Variants in ZMYND8 observed in about 807,000 individuals in gnomAD.
ZMYND8 encodes the protein MYND-type zinc finger-containing chromatin reader ZMYND8.
Under a neutral mutation model 140.8 loss-of-function variants are expected in ZMYND8, and 37 were observed. That is an observed-to-expected ratio of 0.26 (90% confidence interval 0.20 to 0.35). ZMYND8 has a LOEUF of 0.35. Ranked by LOEUF, ZMYND8 falls within the 10% of genes least tolerant of loss-of-function variation. The pLI is 1.00. For synonymous variants in ZMYND8, 592 were observed against 597.1 expected, an observed-to-expected ratio of 0.99 and a Z score of 0.12; for missense variants, 1,068 against 1,570.0, an observed-to-expected ratio of 0.68 and a Z score of 5.40.
intron 1 of ZMYND8, chr20:47,349,864 A>T (rs887826130): frequency 6.5e-7 from 1 of 1,535,692 alleles, no homozygotes; most frequent in Admixed American, 2.0e-5. Flanking sequence ...AACCCACTTG[A>T]AGGATTTCTG....
chr20:47,288,407 T>TG (rs1202111909), intron 7 of ZMYND8, among the ~76,000 whole-genome samples: 1 of 151,136 alleles, frequency 6.6e-6, no homozygotes, highest in Non-Finnish European at 1.5e-5. Context: ...TTTTTTTTTT[T>TG]TTTGAGATGG....
chr20:47,284,550 G>A (rs1358651834), intron 8 of ZMYND8, among the ~76,000 whole-genome samples: 1 of 151,976 alleles, frequency 6.6e-6, no homozygotes, highest in African/African-American at 2.4e-5. Context: ...ATGTGATCTG[G>A]CCCCAGCCCA....
At chr20:47,267,505 G>A (rs907624644) in intron 11 of ZMYND8, among the ~76,000 whole-genome samples, 15 of 136,858 alleles carry the variant, frequency 1.1e-4, no homozygotes, top group Non-Finnish European at 1.9e-4. Context: ...GCGGGGGGGG[G>A]GCAATTAAAA....
At chr20:47,218,022 G>A (rs892567205) in intron 21 of ZMYND8, among the ~76,000 whole-genome samples, 2 of 152,130 alleles carry the variant, frequency 1.3e-5, no homozygotes, top group African/African-American at 4.8e-5. Flanking sequence ...CAAGGCACAC[G>A]TTTGTTTACA....
At position 47,302,203 on chromosome 20, in the gene ZMYND8, G is replaced by A. The variant is rs573574689; in HGVS notation, c.235-3256C>T. The stretch of plus-strand genomic sequence containing the variant: ...AATGAATTTTATGTTTAGGCCAGGC[G>A]TGGTGGCACGCCTGTAATGTCAGCA... On this transcript the variant is annotated intron_variant, in intron 3 of 22. Coordinates refer to ENST00000471951, the MANE Select transcript of ZMYND8 (RefSeq NM_001281775.3). 0.019 allele frequency among the ~76,000 whole-genome samples: 7 copies of A among 360 alleles called. No homozygotes were observed. In the South Asian group the frequency reaches 0.43, roughly 22 times the overall value. The allele number at this position is 360 out of a possible 152,430, so 0.2% of individuals were successfully genotyped here.
chr20:47,347,024 G>A (rs1225817085), intron 2 of ZMYND8, among the ~76,000 whole-genome samples: 9 of 152,180 alleles, frequency 5.9e-5, no homozygotes, highest in Admixed American at 5.9e-4. Flanking sequence ...CAGTAACCCT[G>A]TCCAGCCTCT....
At chr20:47,281,538 C>T (rs1224990675) in intron 10 of ZMYND8, among the ~76,000 whole-genome samples, 1 of 152,126 alleles carries the variant, frequency 6.6e-6, no homozygotes, top group Non-Finnish European at 1.5e-5. Context: ...CTGCTATTAG[C>T]TGGAATAATT....
chr20:47,311,226 T>C (rs1285773124), intron 2 of ZMYND8, among the ~76,000 whole-genome samples: 1 of 152,144 alleles, frequency 6.6e-6, no homozygotes, highest in Admixed American at 6.5e-5. Context: ...TCCAAAAAGA[T>C]CAATACAAAT....
chr20:47,212,753 A>G (rs757458574), intron 21 of ZMYND8, 28 bp from the exon 22 acceptor site: 3 of 1,576,182 alleles, frequency 1.9e-6, no homozygotes, highest in Non-Finnish European at 2.6e-6. Flanking sequence ...GTAGCCTCAG[A>G]GTCTGTCAGA....
chr20:47,252,512 C>T (rs2074273240), intron 12 of ZMYND8, among the ~76,000 whole-genome samples: 2 of 152,094 alleles, frequency 1.3e-5, no homozygotes, highest in Non-Finnish European at 2.9e-5. Context: ...CACAAAAATA[C>T]TCTCCATGGC....
At chr20:47,356,343 A>C in intron 1 of ZMYND8, 1 of 1,460,874 alleles carries the variant, frequency 6.8e-7, no homozygotes, top group Non-Finnish European at 9.0e-7. Context: ...GAAAAAAAAA[A>C]AAAGAAGGAA....
At chr20:47,252,273 C>G (rs2074248593) in intron 12 of ZMYND8, among the ~76,000 whole-genome samples, 2 of 116,194 alleles carry the variant, frequency 1.7e-5, no homozygotes, top group East Asian at 4.8e-4. Flanking sequence ...GCCTGGGCGA[C>G]AGAGCAAGAC....
rs41434949 is a variant in ZMYND8, at chr20:47,291,783, G to A, written c.660+13C>T. The A allele has an allele frequency of 3.5e-3, 5,584 of 1,607,096 alleles. 133 individuals carry two copies. In the South Asian group the frequency reaches 0.045, roughly 13 times the overall value. ...GTGGGCTAGAATGGTGAGGTTCTTT[G>A]ACGGAGGCCAACCTTTTCCAATGTA... On this transcript the variant is annotated intron_variant, in intron 6 of 22. Transcript: ENST00000471951.
intron 5 of ZMYND8, 25 bp from the exon 6 acceptor site, chr20:47,291,913 G>A (rs1378048623): frequency 2.2e-5 from 35 of 1,589,656 alleles, no homozygotes; most frequent in Non-Finnish European, 2.8e-5. Flanking sequence ...ATATGCAGAG[G>A]AACGAACCCA....
chr20:47,245,800 G>A (rs1352545038), intron 14 of ZMYND8, among the ~76,000 whole-genome samples: 1 of 152,160 alleles, frequency 6.6e-6, no homozygotes, highest in African/African-American at 2.4e-5. Flanking sequence ...AAGGTAGGCA[G>A]GCCCATGTTT....
intron 12 of ZMYND8, among the ~76,000 whole-genome samples, chr20:47,255,420 GAGAC>G (rs1252404019): frequency 6.8e-6 from 1 of 146,590 alleles, no homozygotes; most frequent in Non-Finnish European, 1.5e-5. Context: ...TAAAAAAAGA[GAGAC>G]AGGGCCGGGC....
chr20:47,302,003 T>TGAA (rs141675050), intron 3 of ZMYND8, among the ~76,000 whole-genome samples: 98,760 of 151,322 alleles, frequency 0.65, 33,260 homozygotes, highest in African/African-American at 0.84. Flanking sequence ...AGCAGCCATG[T>TGAA]GAAGGACGTG....
intron 2 of ZMYND8, among the ~76,000 whole-genome samples, chr20:47,322,631 G>T (rs973431724): frequency 1.3e-5 from 2 of 151,654 alleles, no homozygotes; most frequent in East Asian, 2.0e-4. Context: ...GGATGGTCTC[G>T]ATCTCCTGAC....
intron 22 of ZMYND8, among the ~76,000 whole-genome samples, chr20:47,211,938 T>C (rs1005347012): frequency 6.6e-6 from 1 of 152,190 alleles, no homozygotes; most frequent in African/African-American, 2.4e-5. Context: ...CAAAGTCATG[T>C]AGTTACTCAG....
Sources: gnomAD v4.1 joint callset for allele counts (sites outside exome capture counted in the v4.1 genomes callset) on GRCh38, gnomAD v4.1.1 for gene constraint, MANE v1.5 for transcripts, NCBI Gene and HGNC (gene_info 2026-07-23, HGNC 2026-07-21) for gene names.